CRISPLD1: variants seen among roughly 807,000 people sequenced by gnomAD.
The protein encoded by CRISPLD1 is cysteine-rich secretory protein LCCL domain-containing 1.
Under a neutral mutation model 77.5 loss-of-function variants are expected in CRISPLD1, and 60 were observed. The ratio of observed to expected loss-of-function variants is 0.77; its 90% CI spans 0.63 to 0.96. The LOEUF (loss-of-function observed/expected upper bound fraction) is 0.96. CRISPLD1 is among the 40% of genes least tolerant of loss of function. CRISPLD1 has a pLI of 0.00. For synonymous variants in CRISPLD1, 195 were observed against 200.1 expected, an observed-to-expected ratio of 0.97 and a Z score of 0.22; for missense variants, 623 against 615.8, an observed-to-expected ratio of 1.01 and a Z score of -0.12.
intron 2 of CRISPLD1, among the ~76,000 whole-genome samples, chr8:74,993,339 G>C (rs990148391): frequency 2.0e-5 from 3 of 152,098 alleles, no homozygotes; most frequent in Admixed American, 6.6e-5. Context: ...CTGACATATA[G>C]TATCTGCACA....
intron 11 of CRISPLD1, 25 bp from the exon 12 acceptor site, chr8:75,019,982 A>G (rs201994441): frequency 2.5e-6 from 4 of 1,613,402 alleles, no homozygotes; most frequent in East Asian, 2.2e-5. Context: ...GGATTCACTC[A>G]TTGTTTTGTG....
intron 2 of CRISPLD1, among the ~76,000 whole-genome samples, chr8:75,002,310 A>G (rs185745647): frequency 0.011 from 1,613 of 150,162 alleles, 19 homozygotes; most frequent in Non-Finnish European, 0.019. Flanking sequence ...CATTAATTAC[A>G]GCAAATCAAG....
intron 2 of CRISPLD1, among the ~76,000 whole-genome samples, chr8:74,992,689 A>G (rs1417421440): frequency 6.6e-6 from 1 of 152,040 alleles, no homozygotes; most frequent in Non-Finnish European, 1.5e-5. Context: ...GCCCTCATGT[A>G]TTGGAGAGGC....
intron 12 of CRISPLD1, among the ~76,000 whole-genome samples, chr8:75,021,877 G>A (rs1039160346): frequency 3.3e-5 from 5 of 152,154 alleles, no homozygotes; most frequent in South Asian, 2.1e-4. Flanking sequence ...TACTAAGTAC[G>A]AATATTATGC....
chr8:75,003,512 T>A (rs1812779974), intron 2 of CRISPLD1, among the ~76,000 whole-genome samples: 1 of 152,222 alleles, frequency 6.6e-6, no homozygotes, highest in African/African-American at 2.4e-5. Flanking sequence ...AGGGATTTTT[T>A]AATGAGTTTT....
chr8:75,026,116 C>T (rs1813231819), intron 13 of CRISPLD1, among the ~76,000 whole-genome samples: 1 of 152,086 alleles, frequency 6.6e-6, no homozygotes, highest in Non-Finnish European at 1.5e-5. Context: ...GGAATGTGAG[C>T]TGTGATGGCC....
At chr8:74,988,032 G>T (rs1478923027) in intron 2 of CRISPLD1, among the ~76,000 whole-genome samples, 1 of 152,154 alleles carries the variant, frequency 6.6e-6, no homozygotes, top group Non-Finnish European at 1.5e-5. Flanking sequence ...ACCAGCCAGG[G>T]TTTATGTTGT....
intron 2 of CRISPLD1, among the ~76,000 whole-genome samples, chr8:74,989,454 T>G (rs972226931): frequency 4.6e-5 from 7 of 152,198 alleles, no homozygotes; most frequent in Admixed American, 1.3e-4. Context: ...ACATGAACCC[T>G]GATAGTCAGC....
chr8:75,008,585 G>C (rs1391184778), intron 2 of CRISPLD1, among the ~76,000 whole-genome samples: 1 of 152,098 alleles, frequency 6.6e-6, no homozygotes, highest in East Asian at 1.9e-4. Flanking sequence ...TCTGTGAATA[G>C]ATAATTACTT....
chr8:75,016,967 T>A lies in CRISPLD1; in HGVS notation c.929+26T>A. On this transcript the variant is annotated intron_variant, in intron 8 of 14. Coordinates refer to ENST00000262207, the MANE Select transcript of CRISPLD1 (RefSeq NM_031461.6). ...GTAATATTTGTTATTATTTTGAAAA[T>A]TAATTGAATATAATAAATATTTTTA... The A allele has an allele frequency of 2.0e-6, 3 of 1,509,588 alleles. No homozygotes were observed. The South Asian group carries it at 3.8e-5, about 19-fold the overall frequency. 93.5% of individuals were successfully genotyped at this position (1,509,588 alleles called of 1,614,324 possible).
chr8:74,986,326 A>G, intron 2 of CRISPLD1, 81 bp downstream of exon 2: 1 of 1,347,868 alleles, frequency 7.4e-7, no homozygotes, highest in South Asian at 1.4e-5. Flanking sequence ...CTGTTCTTTA[A>G]TCATTTATTT....
chr8:75,022,113 G>A (rs75759903), intron 12 of CRISPLD1, among the ~76,000 whole-genome samples: 3,048 of 152,140 alleles, frequency 0.02, 50 homozygotes, highest in Middle Eastern at 0.048. Flanking sequence ...GCAAAACATC[G>A]AAATAAGGAA....
intron 13 of CRISPLD1, among the ~76,000 whole-genome samples, chr8:75,026,256 A>C (rs7844051): frequency 1.3e-5 from 2 of 151,908 alleles, no homozygotes; most frequent in African/African-American, 2.4e-5. Flanking sequence ...CTCTTTTTCT[A>C]TTGTTGTAGA....
chr8:74,992,908 T>G (rs925869511), intron 2 of CRISPLD1, among the ~76,000 whole-genome samples: 2 of 143,196 alleles, frequency 1.4e-5, no homozygotes, highest in Non-Finnish European at 3.0e-5. Flanking sequence ...AATTATGGTT[T>G]TTTTTTTTTT....
At chr8:75,012,314 A>G (rs1012781925) in intron 2 of CRISPLD1, 119 bp from the exon 3 acceptor site, 1 of 687,690 alleles carries the variant, frequency 1.5e-6, no homozygotes, top group African/African-American at 1.8e-5. Context: ...GAGAATCCAG[A>G]CTATGATGTT....
intron 2 of CRISPLD1, among the ~76,000 whole-genome samples, chr8:75,009,941 T>A (rs1169099057): frequency 6.6e-6 from 1 of 152,164 alleles, no homozygotes; most frequent in Non-Finnish European, 1.5e-5. Context: ...AGTTAATTAA[T>A]AATATGCCTG....
chr8:74,987,233 T>C (rs1419299200), intron 2 of CRISPLD1, among the ~76,000 whole-genome samples: 3 of 152,198 alleles, frequency 2.0e-5, no homozygotes, highest in Non-Finnish European at 2.9e-5. Flanking sequence ...ATTTTAACTT[T>C]TACCAGAAAA....
chr8:75,023,054 T>G (rs1813166031), intron 12 of CRISPLD1, among the ~76,000 whole-genome samples: 1 of 147,136 alleles, frequency 6.8e-6, no homozygotes, highest in Non-Finnish European at 1.5e-5. Context: ...TCATTCAAAG[T>G]TTACCGGCAA....
At chr8:75,005,144 G>T (rs1812806974) in intron 2 of CRISPLD1, among the ~76,000 whole-genome samples, 2 of 152,014 alleles carry the variant, frequency 1.3e-5, no homozygotes, top group South Asian at 4.1e-4. Context: ...AGGTAATTGA[G>T]ATGCTCTTCA....
Sources: gnomAD v4.1 joint callset for allele counts (sites outside exome capture counted in the v4.1 genomes callset) on GRCh38, gnomAD v4.1.1 for gene constraint, MANE v1.5 for transcripts, NCBI Gene and HGNC (gene_info 2026-07-23, HGNC 2026-07-21) for gene names.